Variants in ZDHHC9 observed in about 807,000 individuals in gnomAD.
ZDHHC9 encodes the protein zDHHC palmitoyltransferase 9, also known as palmitoyltransferase ZDHHC9.
In ZDHHC9, 3 loss-of-function variants were observed where a neutral mutation model predicts 26.6. That is an observed-to-expected ratio of 0.11 (90% CI 0.05 to 0.29). The LOEUF is 0.29. ZDHHC9 is among the 10% of genes least tolerant of loss of function. The pLI, the probability that ZDHHC9 is intolerant of heterozygous loss-of-function variation, is 1.00. For missense variants in ZDHHC9, 146 were observed against 296.4 expected (o/e 0.49, Z 3.73); for synonymous variants, 111 against 109.4 (o/e 1.01, Z -0.09).
intron 8 of ZDHHC9, among the ~76,000 whole-genome samples, chrX:129,812,372 A>C (rs1363615910): frequency 1.8e-5 from 2 of 112,748 alleles, no homozygotes; most frequent in African/African-American, 6.4e-5. Context: ...GGCGTGAGCC[A>C]CCACACCCAG....
chrX:129,810,242 G>A (rs1325240579), intron 10 of ZDHHC9, among the ~76,000 whole-genome samples: 1 of 105,866 alleles, frequency 9.4e-6, no homozygotes, highest in African/African-American at 3.4e-5. Flanking sequence ...CCAGCTACTC[G>A]GAGGCTGAGG....
chrX:129,839,158 A>G (rs1340826699), intron 3 of ZDHHC9, among the ~76,000 whole-genome samples: 1 of 111,441 alleles, frequency 9.0e-6, no homozygotes, highest in Non-Finnish European at 1.9e-5. Context: ...TTGTCTATTC[A>G]GACACCCTCA....
intron 8 of ZDHHC9, among the ~76,000 whole-genome samples, chrX:129,811,944 A>T (rs1201951595): frequency 9.0e-6 from 1 of 111,679 alleles, no homozygotes; most frequent in Non-Finnish European, 1.9e-5. Flanking sequence ...ACATGGAAAA[A>T]AGTCTAGACA....
intron 5 of ZDHHC9, among the ~76,000 whole-genome samples, chrX:129,817,740 G>A (rs1381718690): frequency 9.3e-6 from 1 of 107,059 alleles, no homozygotes; most frequent in Non-Finnish European, 1.9e-5. Flanking sequence ...GTCTTTTTGT[G>A]TCTTTTTTTT....
At chrX:129,813,407 G>A (rs1266491882) in intron 7 of ZDHHC9, among the ~76,000 whole-genome samples, 2 of 112,130 alleles carry the variant, frequency 1.8e-5, no homozygotes, top group Non-Finnish European at 3.8e-5. Flanking sequence ...GGAAAAAAAA[G>A]AGGATGTGAT....
chrX:129,839,001 C>T (rs1928320618), intron 3 of ZDHHC9, among the ~76,000 whole-genome samples: 1 of 112,527 alleles, frequency 8.9e-6, no homozygotes, highest in Non-Finnish European at 1.9e-5. Flanking sequence ...TTCCTAAGCA[C>T]CTGCTGCAAG....
At chrX:129,823,490 A>T in intron 5 of ZDHHC9, 189 bp downstream of exon 5, 1 of 448,153 alleles carries the variant, frequency 2.2e-6, no homozygotes, top group Non-Finnish European at 3.8e-6. Context: ...TTAAATTTTG[A>T]TTTGATCTAC....
At chrX:129,825,754 T>A (rs1398758035) in intron 4 of ZDHHC9, among the ~76,000 whole-genome samples, 1 of 111,368 alleles carries the variant, frequency 9.0e-6, no homozygotes, top group Non-Finnish European at 1.9e-5. Flanking sequence ...AAAAGAATGG[T>A]GAAGTATAAG....
At chrX:129,823,219 G>A (rs73633925) in intron 5 of ZDHHC9, 58 of 122,792 alleles carry the variant, frequency 4.7e-4, no homozygotes, top group African/African-American at 1.7e-3. Flanking sequence ...TTAAATGAGA[G>A]AAAGGTAAAT....
Position 129,804,684 on chromosome X carries a change from T to C in ZDHHC9, c.*1686A>G, listed in dbSNP as rs1187616060. ...TAGAGCTTGTTCTCTTAAGTAAATA[T>C]AATCCCTCTACCTTCCTGATCCTGT... is the stretch of plus-strand genomic sequence containing the variant. On this transcript the variant is annotated 3_prime_UTR_variant, in exon 11 of 11. Transcript: ENST00000357166. 8.9e-6 allele frequency: 1 copy of C among 112,015 alleles called. No individual in the cohort carries two copies. The highest frequency in any genetic ancestry group is 1.9e-5 in the Non-Finnish European group (1 of 53,200). 9.2% of individuals were successfully genotyped at this position (112,015 alleles called of 1,213,427 possible).
chrX:129,840,964 A>ACT (rs1301956270), intron 3 of ZDHHC9, among the ~76,000 whole-genome samples: 3 of 110,179 alleles, frequency 2.7e-5, no homozygotes, highest in African/African-American at 9.9e-5. Context: ...CCACACACAC[A>ACT]CCTCTTGGCT....
chrX:129,817,676 T>C (rs1239446027), intron 5 of ZDHHC9, among the ~76,000 whole-genome samples: 1 of 110,521 alleles, frequency 9.0e-6, no homozygotes, highest in African/African-American at 3.3e-5. Flanking sequence ...ATCTTCTGTC[T>C]CTATGAATTT....
intron 3 of ZDHHC9, among the ~76,000 whole-genome samples, chrX:129,841,273 C>G (rs1360996167): frequency 8.9e-6 from 1 of 112,420 alleles, no homozygotes; most frequent in Non-Finnish European, 1.9e-5. Flanking sequence ...ATGTGCCACG[C>G]ACACAACTAG....
intron 3 of ZDHHC9, among the ~76,000 whole-genome samples, chrX:129,830,354 C>T (rs1406300180): frequency 9.0e-6 from 1 of 111,348 alleles, no homozygotes. Flanking sequence ...GTGGATCAAA[C>T]GCACTAGTAT....
intron 5 of ZDHHC9, among the ~76,000 whole-genome samples, chrX:129,818,479 G>T (rs777987114): frequency 1.8e-5 from 2 of 112,322 alleles, no homozygotes; most frequent in Non-Finnish European, 3.8e-5. Flanking sequence ...CACCAGAAAT[G>T]TATGAAGGTT....
chrX:129,835,945 C>T (rs1928251681), intron 3 of ZDHHC9, among the ~76,000 whole-genome samples: 1 of 112,321 alleles, frequency 8.9e-6, no homozygotes, highest in Non-Finnish European at 1.9e-5. Context: ...GCAACTATGC[C>T]TTTCTAAAAC....
intron 3 of ZDHHC9, 90 bp downstream of exon 3, chrX:129,841,670 GAGGACGTTAAAGTCATCCA>G: frequency 1.0e-6 from 1 of 971,143 alleles, no homozygotes; most frequent in South Asian, 2.0e-5. Flanking sequence ...CATCGCTCAA[GAGGACGTTAAAGTCATCCA>G]AGGACCAGCC....
chrX:129,805,323 T>C lies in ZDHHC9; in HGVS notation c.*1047A>G, dbSNP rs1337155013. 9.1e-6 allele frequency: 1 copy of C among 109,773 alleles called. No individual in the cohort carries two copies. Among genetic ancestry groups the C allele is most frequent in the Non-Finnish European group, 1.9e-5 (1 of 52,719 alleles). The allele number at this position is 109,773 out of a possible 1,213,427, so 9.0% of individuals were successfully genotyped here. ...AGCCGAGGCTTAATGGAAGAACTGG[T>C]TAGCATTTTTTTTTTTTTGAGGGTA... is the stretch of plus-strand genomic sequence containing the variant. On this transcript the variant is annotated 3_prime_UTR_variant, in exon 11 of 11. Coordinates refer to ENST00000357166, the MANE Select transcript of ZDHHC9 (RefSeq NM_016032.4).
intron 3 of ZDHHC9, 137 bp downstream of exon 3, chrX:129,841,642 A>C (rs1928383629): frequency 1.3e-6 from 1 of 762,055 alleles, no homozygotes; most frequent in Non-Finnish European, 2.0e-6. Context: ...CAATGAATTC[A>C]GCTGGCATCT....
Sources: allele counts gnomAD v4.1 joint callset (sites outside exome capture counted in the v4.1 genomes callset), GRCh38; gene constraint gnomAD v4.1.1; transcripts MANE v1.5; gene names NCBI Gene and HGNC (gene_info 2026-07-23, HGNC 2026-07-21).